The following ADCY5 variants were observed in gnomAD, a reference collection of about 807,000 sequenced individuals.
The protein encoded by ADCY5 is adenylate cyclase type 5.
A neutral mutation model predicts 119.7 loss-of-function variants in ADCY5; 30 were observed. The ratio of observed to expected loss-of-function variants is 0.25; its 90% confidence interval spans 0.19 to 0.34. The LOEUF (loss-of-function observed/expected upper bound fraction) is 0.34. ADCY5 is among the 10% of genes least tolerant of loss of function. The pLI is 1.00. For synonymous variants in ADCY5, 753 were observed against 762.2 expected (o/e 0.99, Z 0.20); for missense variants, 1,324 against 1,775.2 (o/e 0.75, Z 4.57).
intron 17 of ADCY5, among the ~76,000 whole-genome samples, chr3:123,293,549 ACT>A (rs1344419559): frequency 1.1e-4 from 15 of 142,058 alleles, no homozygotes; most frequent in African/African-American, 4.0e-4. Context: ...GCACACACAC[ACT>A]CTTGTGCATG....
chr3:123,392,789 T>C (rs1944433459), intron 1 of ADCY5, among the ~76,000 whole-genome samples: 1 of 152,140 alleles, frequency 6.6e-6, no homozygotes. Context: ...TTGCACGCTA[T>C]ACCTCCAGGC....
In ADCY5 at chr3:123,327,675, G is replaced by A; in HGVS notation, c.1890C>T (p.Ala630=). The change falls in exon 7 of 21, where the codon GCC becomes GCT. Residue 630 remains alanine, a synonymous_variant. Transcript: ENST00000462833. ...TCTCGATACTGTGCTCCTTGAGGTAGGCGTTGCGCTCGCCCCCACAGCCTG... is the reference window on the plus strand; with the variant it reads ...TCTCGATACTGTGCTCCTTGAGGTAAGCGTTGCGCTCGCCCCCACAGCCTG... ...VEPGCGGERN[A]YLKEHSIETF... The A allele has an allele frequency of 6.2e-7, 1 of 1,614,130 alleles. No individual in the cohort carries two copies. Among genetic ancestry groups the A allele is most frequent in the African/African-American group, 1.3e-5 (1 of 75,034 alleles).
intron 19 of ADCY5, among the ~76,000 whole-genome samples, chr3:123,289,459 C>T (rs530853824): frequency 1.1e-3 from 173 of 152,362 alleles, no homozygotes; most frequent in African/African-American, 4.0e-3. Context: ...CCCACCAGGC[C>T]GGCCCTGCAT....
chr3:123,447,598 G>A lies in ADCY5; in HGVS notation c.948C>T (p.Gly316=). ...CGCTGCGTGGCTGCGGCAGCAGCAG[G>A]CCCACCACCTGGACGGCCAGCACCA... The part of the protein sequence containing the change: ...IAVVLAVQVV[G]LLLPQPRSAS... Residue 316 remains glycine (G), a synonymous_variant, in exon 1 of 21, where the codon GGC becomes GGT. Coordinates refer to ENST00000462833, the MANE Select transcript of ADCY5 (RefSeq NM_183357.3). 1 of 1,607,734 alleles carries A rather than the reference G, an allele frequency of 6.2e-7. No homozygotes were observed. The highest frequency in any genetic ancestry group is 8.5e-7 in the Non-Finnish European group (1 of 1,179,018).
intron 17 of ADCY5, among the ~76,000 whole-genome samples, chr3:123,291,660 C>T (rs566187330): frequency 3.9e-5 from 6 of 152,236 alleles, no homozygotes; most frequent in African/African-American, 7.2e-5. Context: ...CAGGGAGCCC[C>T]GAGCAGGAAC....
intron 1 of ADCY5, among the ~76,000 whole-genome samples, chr3:123,374,233 C>T (rs1295325263): frequency 1.3e-5 from 2 of 152,058 alleles, no homozygotes; most frequent in African/African-American, 4.8e-5. Context: ...AATCACAGCA[C>T]AGGTGGGGCA....
intron 1 of ADCY5, among the ~76,000 whole-genome samples, chr3:123,401,928 G>A (rs76683204): frequency 0.012 from 1,901 of 152,252 alleles, 45 homozygotes; most frequent in African/African-American, 0.043. Context: ...TCAAAGACCC[G>A]GTGCACAGGT....
Position 123,374,132 on chromosome 3 carries a change from G to A in ADCY5, c.1135-21551C>T, listed in dbSNP as rs530249886. Among the ~76,000 whole-genome samples the A allele has an allele frequency of 2.6e-4, 40 of 152,282 alleles. No individual in the cohort carries two copies. The South Asian group carries it at 4.6e-3, about 17-fold the overall frequency. ...CTGTCGGCCAAAGAGGTCAAGACAG[G>A]CATCAGGGAGGGGGTAAGGTTTGGG... On this transcript the variant is annotated intron_variant, in intron 1 of 20. Coordinates refer to ENST00000462833, the MANE Select transcript of ADCY5 (RefSeq NM_183357.3).
chr3:123,303,132 C>T lies in ADCY5; in HGVS notation c.2647G>A (p.Glu883Lys). Residue 883 changes from glutamate (E) to lysine (K), a missense_variant, in exon 14 of 21, where the codon GAG becomes AAG. Coordinates refer to ENST00000462833, the MANE Select transcript of ADCY5 (RefSeq NM_183357.3). ...CCCAGGCTGTAGTTGACGGCCGACT[C>T]CGCCACGTGACACGCGTTGACCTGG... is the stretch of plus-strand genomic sequence containing the variant. ...ASQVNACHVA[E>K]SAVNYSLGDE... 1 of 1,613,892 alleles carries T rather than the reference C, an allele frequency of 6.2e-7. No individual in the cohort carries two copies. Among genetic ancestry groups the T allele is most frequent in the Non-Finnish European group, 8.5e-7 (1 of 1,180,040 alleles).
At chr3:123,345,140 C>T (rs961100829) in intron 3 of ADCY5, among the ~76,000 whole-genome samples, 7 of 152,174 alleles carry the variant, frequency 4.6e-5, no homozygotes, top group Admixed American at 2.0e-4. Flanking sequence ...GGGCAGTCAC[C>T]GTAGAAGAGG....
intron 12 of ADCY5, among the ~76,000 whole-genome samples, chr3:123,306,081 G>A (rs1465664638): frequency 6.6e-6 from 1 of 152,222 alleles, no homozygotes; most frequent in Non-Finnish European, 1.5e-5. Context: ...TAATAAAGGA[G>A]ACCCTCTGGG....
chr3:123,396,819 CG>C (rs1944604888), intron 1 of ADCY5, among the ~76,000 whole-genome samples: 2 of 62,300 alleles, frequency 3.2e-5, no homozygotes, highest in East Asian at 3.6e-4. Flanking sequence ...GGCAGGCAGG[CG>C]AGAGAGAGAG....
intron 1 of ADCY5, among the ~76,000 whole-genome samples, chr3:123,366,536 G>A (rs1427723365): frequency 6.6e-6 from 1 of 152,240 alleles, no homozygotes; most frequent in Admixed American, 6.5e-5. Flanking sequence ...AAGGGATATG[G>A]AGGTATATGA....
At chr3:123,413,868 G>A (rs941849605) in intron 1 of ADCY5, among the ~76,000 whole-genome samples, 3 of 152,170 alleles carry the variant, frequency 2.0e-5, no homozygotes, top group Non-Finnish European at 4.4e-5. Flanking sequence ...GGGGTGGGGG[G>A]GCTGCAGAAC....
chr3:123,314,413 C>G, intron 11 of ADCY5, 91 bp from the exon 12 acceptor site: 2 of 976,610 alleles, frequency 2.0e-6, no homozygotes, highest in Non-Finnish European at 3.1e-6. Context: ...GGCCACAGGT[C>G]CCCCGTGCCC....
At chr3:123,378,172 C>A (rs960236508) in intron 1 of ADCY5, among the ~76,000 whole-genome samples, 1 of 152,146 alleles carries the variant, frequency 6.6e-6, no homozygotes, top group Non-Finnish European at 1.5e-5. Context: ...TCAGCACCCA[C>A]GTGGTCACTC....
At position 123,352,784 on chromosome 3, in the gene ADCY5, C is replaced by T. The variant is rs1942887044; in HGVS notation, c.1135-203G>A. On this transcript the variant is annotated intron_variant, in intron 1 of 20. Transcript: ENST00000462833. The surrounding 1 kb of genome is among the most constrained non-coding windows in gnomAD (Gnocchi z 4.8). ...GATGTCCTCAAAGCCAGAAGTTTGG[C>T]TGGCTTGTCATGGGATATGTCCTCT... 6.6e-6 allele frequency among the ~76,000 whole-genome samples: 1 copy of T among 152,194 alleles called. No homozygotes were observed. The highest frequency in any genetic ancestry group is 2.4e-5 in the African/African-American group (1 of 41,444).
chr3:123,303,996 C>T (rs565662114), intron 13 of ADCY5, 71 bp downstream of exon 13: 18 of 1,088,322 alleles, frequency 1.7e-5, no homozygotes, highest in South Asian at 3.8e-5. Flanking sequence ...GCCTGCTTGT[C>T]GGGTACATGG....
chr3:123,349,241 C>A (rs1209281697), intron 2 of ADCY5, among the ~76,000 whole-genome samples: 1 of 152,200 alleles, frequency 6.6e-6, no homozygotes, highest in Admixed American at 6.5e-5. Context: ...CCTGGGACAG[C>A]CCCATTCTGC....
Sources: allele counts gnomAD v4.1 joint callset (sites outside exome capture counted in the v4.1 genomes callset), GRCh38; gene constraint gnomAD v4.1.1; non-coding constraint Gnocchi (gnomAD v3.1); transcripts MANE v1.5; gene names NCBI Gene and HGNC (gene_info 2026-07-23, HGNC 2026-07-21).